EEFSEC: variants seen among roughly 807,000 people sequenced by gnomAD.
The protein encoded by EEFSEC is eukaryotic elongation factor, selenocysteine-tRNA specific.
A neutral mutation model predicts 42.1 loss-of-function variants in EEFSEC; 43 were observed. The ratio of observed to expected loss-of-function variants is 1.02; its 90% CI spans 0.80 to 1.32. EEFSEC has a LOEUF of 1.32. Among genes scored for constraint, EEFSEC ranks in the 40% most tolerant of loss-of-function variants. The pLI, the probability that EEFSEC is intolerant of heterozygous loss-of-function variation, is 0.00. For missense variants in EEFSEC, 745 were observed against 803.6 expected, an observed-to-expected ratio of 0.93 and a Z score of 0.88; for synonymous variants, 354 against 339.1, an observed-to-expected ratio of 1.04 and a Z score of -0.48.
intron 4 of EEFSEC, among the ~76,000 whole-genome samples, chr3:128,283,642 C>G (rs1328919394): frequency 1.3e-5 from 2 of 152,180 alleles, no homozygotes; most frequent in Non-Finnish European, 2.9e-5. Context: ...AGCACTGTCT[C>G]CCCTAGGAGT....
intron 4 of EEFSEC, among the ~76,000 whole-genome samples, chr3:128,327,937 C>T (rs28437716): frequency 0.01 from 1,553 of 152,194 alleles, 15 homozygotes; most frequent in Non-Finnish European, 0.015. Flanking sequence ...GGCTCGTGGG[C>T]TATGGGAAGG....
intron 1 of EEFSEC, among the ~76,000 whole-genome samples, chr3:128,189,403 G>A (rs1312476355): frequency 6.6e-6 from 1 of 152,164 alleles, no homozygotes; most frequent in African/African-American, 2.4e-5. Flanking sequence ...TTACTCAGGT[G>A]TTTGTGGTGA....
intron 6 of EEFSEC, 49 bp from the exon 7 acceptor site, chr3:128,408,020 G>A (rs779562415): frequency 1.7e-5 from 25 of 1,484,900 alleles, no homozygotes; most frequent in East Asian, 4.8e-5. Flanking sequence ...GGGAGCCCAC[G>A]GGTGCTTGGG....
intron 6 of EEFSEC, among the ~76,000 whole-genome samples, chr3:128,386,267 G>C (rs1362804361): frequency 6.6e-6 from 1 of 152,124 alleles, no homozygotes. Flanking sequence ...CCCAGGGAGA[G>C]AAAGAATGAC....
chr3:128,361,858 G>C lies in EEFSEC; in HGVS notation c.1600+3485G>C, dbSNP rs1432871687. Among the ~76,000 whole-genome samples the C allele has an allele frequency of 2.6e-5, 4 of 152,222 alleles. No individual in the cohort carries two copies. The East Asian group carries it at 5.8e-4, about 22-fold the overall frequency. Reference sequence around the variant, plus strand: ...GAATTCTGCTGGTGGTGAGAGAGTAGTTGGAGGAAGGAGCTGGACATGGAG... The same window carrying C: ...GAATTCTGCTGGTGGTGAGAGAGTACTTGGAGGAAGGAGCTGGACATGGAG... On this transcript the variant is annotated intron_variant, in intron 6 of 6. Transcript: ENST00000254730.
chr3:128,174,583 T>G (rs2065329819), intron 1 of EEFSEC, among the ~76,000 whole-genome samples: 1 of 152,154 alleles, frequency 6.6e-6, no homozygotes. Flanking sequence ...TCAGGAAGAT[T>G]GAAATTGGAA....
chr3:128,228,109 C>T (rs201939933), intron 1 of EEFSEC, among the ~76,000 whole-genome samples: 2 of 145,980 alleles, frequency 1.4e-5, no homozygotes, highest in Non-Finnish European at 2.9e-5. Context: ...CATCTCTGAC[C>T]TCTCAGTGCT....
At chr3:128,405,298 G>A (rs999474825) in intron 6 of EEFSEC, among the ~76,000 whole-genome samples, 1 of 152,168 alleles carries the variant, frequency 6.6e-6, no homozygotes, top group Non-Finnish European at 1.5e-5. Context: ...TTCCAGGCAT[G>A]AGCCCTTGTC....
rs570341531 is a variant in EEFSEC at position 128,221,888 on chromosome 3, A to G, written c.317-24948A>G. Among the ~76,000 whole-genome samples, 6 of 152,310 alleles carry G rather than the reference A, an allele frequency of 3.9e-5. No individual in the cohort carries two copies. In the South Asian group the frequency reaches 1.0e-3, roughly 26 times the overall value. On this transcript the variant is annotated intron_variant, in intron 1 of 6. Transcript: ENST00000254730. Reference sequence around the variant, plus strand: ...GAAAAAAGGGTAGATAAATTTGAAAACAAACCAAAAAGAAATTCTAAGTAT... The same window carrying G: ...GAAAAAAGGGTAGATAAATTTGAAAGCAAACCAAAAAGAAATTCTAAGTAT...
At chr3:128,413,243 C>T (rs2068186259), downstream of EEFSEC, among the ~76,000 whole-genome samples, 2 of 152,090 alleles carry the variant, frequency 1.3e-5, no homozygotes, top group Admixed American at 1.3e-4. Context: ...AGAGGTGAAA[C>T]TTGAGAGGAG....
At chr3:128,258,508 G>T (rs1405101422) in intron 2 of EEFSEC, among the ~76,000 whole-genome samples, 1 of 152,194 alleles carries the variant, frequency 6.6e-6, no homozygotes. Context: ...TTGCTGTGAG[G>T]ATTAAATGGA....
chr3:128,335,865 C>T (rs974681085), intron 4 of EEFSEC, among the ~76,000 whole-genome samples: 2 of 152,216 alleles, frequency 1.3e-5, no homozygotes, highest in South Asian at 2.1e-4. Context: ...TGGCTGGTTA[C>T]AGCTACAAGA....
intron 2 of EEFSEC, among the ~76,000 whole-genome samples, chr3:128,258,743 T>G (rs1025851817): frequency 6.6e-6 from 1 of 152,230 alleles, no homozygotes; most frequent in African/African-American, 2.4e-5. Flanking sequence ...TTTTCGTTGG[T>G]TTGAGAACTA....
intron 4 of EEFSEC, among the ~76,000 whole-genome samples, chr3:128,300,421 T>C (rs1576619972): frequency 6.6e-6 from 1 of 151,838 alleles, no homozygotes; most frequent in African/African-American, 2.4e-5. Flanking sequence ...GGTGAAACCC[T>C]GTCTCTACTA....
intron 4 of EEFSEC, among the ~76,000 whole-genome samples, chr3:128,314,448 A>G (rs2108025632): frequency 6.6e-6 from 1 of 152,194 alleles, no homozygotes; most frequent in South Asian, 2.1e-4. Flanking sequence ...GGTTCAAGCT[A>G]TTCTTGTGCC....
In EEFSEC at chr3:128,373,682, A is replaced by G. The variant is rs545433783; in HGVS notation, c.1600+15309A>G. Reference sequence around the variant, plus strand: ...CTATCCACACACAACCTCCTCACAGATACAGGCTAGTGCCTATACCAAGCC... The same window carrying G: ...CTATCCACACACAACCTCCTCACAGGTACAGGCTAGTGCCTATACCAAGCC... On this transcript the variant is annotated intron_variant, in intron 6 of 6. Coordinates refer to ENST00000254730, the MANE Select transcript of EEFSEC (RefSeq NM_021937.5). Among the ~76,000 whole-genome samples, 31 of 152,302 alleles carry G rather than the reference A, an allele frequency of 2.0e-4. 1 individual carries two copies. In the South Asian group the frequency reaches 6.4e-3, roughly 32 times the overall value.
At chr3:128,381,115 C>T (rs2067771233) in intron 6 of EEFSEC, among the ~76,000 whole-genome samples, 1 of 152,172 alleles carries the variant, frequency 6.6e-6, no homozygotes, top group Admixed American at 6.5e-5. Context: ...TGAAGGGAAA[C>T]CTGGGCATTT....
intron 4 of EEFSEC, among the ~76,000 whole-genome samples, chr3:128,299,799 C>T (rs1454090803): frequency 2.6e-5 from 4 of 152,214 alleles, no homozygotes; most frequent in Non-Finnish European, 5.9e-5. Flanking sequence ...CCACGTATTT[C>T]ATAAACCTTA....
At chr3:128,314,793 A>G (rs1464862248) in intron 4 of EEFSEC, among the ~76,000 whole-genome samples, 3 of 152,206 alleles carry the variant, frequency 2.0e-5, no homozygotes, top group African/African-American at 7.2e-5. Context: ...AGGTCCAGAC[A>G]TTGCCAACTT....
Sources: gnomAD v4.1 joint callset for allele counts (sites outside exome capture counted in the v4.1 genomes callset) on GRCh38, gnomAD v4.1.1 for gene constraint, MANE v1.5 for transcripts, NCBI Gene and HGNC (gene_info 2026-07-23, HGNC 2026-07-21) for gene names.